The following STAU1 variants were observed in gnomAD, a reference collection of about 807,000 sequenced individuals.
STAU1 encodes staufen double-stranded RNA binding protein 1, also known as double-stranded RNA-binding protein Staufen homolog 1.
A neutral mutation model predicts 62.9 loss-of-function variants in STAU1; 13 were observed. The observed-to-expected ratio is 0.21, with a 90% CI of 0.13 to 0.33. The LOEUF (loss-of-function observed/expected upper bound fraction) is 0.33. Ranked by LOEUF, STAU1 falls within the 10% of genes least tolerant of loss-of-function variation. The pLI is 1.00. For synonymous variants in STAU1, 269 were observed against 265.1 expected (o/e 1.01, Z -0.14); for missense variants, 571 against 712.1 (o/e 0.80, Z 2.25).
chr20:49,208,658 C>T, the STAU1 span, among the ~76,000 whole-genome samples: 5 of 149,014 alleles, frequency 3.4e-5, no homozygotes, highest in Middle Eastern at 3.5e-3. Context: ...CTCGCTCTGT[C>T]GCCCAGATTG....
At chr20:49,209,438 TAAA>T in the STAU1 span, among the ~76,000 whole-genome samples, 9 of 119,090 alleles carry the variant, frequency 7.6e-5, no homozygotes, top group Admixed American at 9.1e-5. Flanking sequence ...TCTGTACAGT[TAAA>T]AAAAAAAAAA....
chr20:49,169,523 A>T (rs2093570697), intron 2 of STAU1, among the ~76,000 whole-genome samples: 1 of 152,226 alleles, frequency 6.6e-6, no homozygotes, highest in South Asian at 2.1e-4. Flanking sequence ...CTTTTCCTTT[A>T]AACCTGTCTT....
At chr20:49,182,985 G>A (rs1278671837) in intron 1 of STAU1, among the ~76,000 whole-genome samples, 1 of 152,102 alleles carries the variant, frequency 6.6e-6, no homozygotes, top group South Asian at 2.1e-4. Context: ...AAATGGTGGG[G>A]GTAAATAACC....
chr20:49,148,518 A>G (rs1422941427), intron 5 of STAU1, among the ~76,000 whole-genome samples: 4 of 152,204 alleles, frequency 2.6e-5, no homozygotes, highest in Admixed American at 6.5e-5. Flanking sequence ...AGTACTTCAA[A>G]TAAGTCTTTT....
intron 1 of STAU1, among the ~76,000 whole-genome samples, chr20:49,184,847 T>C: frequency 6.6e-6 from 1 of 152,282 alleles, no homozygotes; most frequent in Non-Finnish European, 1.5e-5. Flanking sequence ...ACATTTCCAC[T>C]GTACCTGATC....
chr20:49,126,661 T>G (rs2092633922), intron 6 of STAU1, among the ~76,000 whole-genome samples: 1 of 143,264 alleles, frequency 7.0e-6, no homozygotes, highest in Non-Finnish European at 1.5e-5. Context: ...ATAGAAGACT[T>G]ACACTACCAG....
intron 9 of STAU1, 99 bp downstream of exon 9, chr20:49,119,883 C>A: frequency 7.1e-7 from 1 of 1,409,332 alleles, no homozygotes; most frequent in Admixed American, 2.4e-5. Context: ...AACTGTCAGG[C>A]AGATAAAGCC....
the STAU1 span, among the ~76,000 whole-genome samples, chr20:49,193,770 C>T: frequency 1.3e-5 from 2 of 151,780 alleles, no homozygotes; most frequent in Non-Finnish European, 2.9e-5. Flanking sequence ...AGATCAAGAC[C>T]ATCCTGGCGA....
chr20:49,121,077 C>T (rs901333687), intron 8 of STAU1, among the ~76,000 whole-genome samples: 2 of 151,960 alleles, frequency 1.3e-5, no homozygotes, highest in African/African-American at 4.8e-5. Context: ...CAAGCCCAGC[C>T]TGTTTTACTT....
intron 9 of STAU1, among the ~76,000 whole-genome samples, chr20:49,119,472 CAG>C (rs1319977553): frequency 1.3e-5 from 2 of 152,170 alleles, no homozygotes; most frequent in Non-Finnish European, 2.9e-5. Flanking sequence ...AATTTTTCAA[CAG>C]GGGATTATTT....
intron 6 of STAU1, among the ~76,000 whole-genome samples, chr20:49,126,452 T>C (rs1017208250): frequency 6.6e-6 from 1 of 150,486 alleles, no homozygotes; most frequent in Non-Finnish European, 1.5e-5. Context: ...TATGTAGTCC[T>C]AGCTATGTGG....
At chr20:49,135,143 A>C in intron 6 of STAU1, 1 of 768,048 alleles carries the variant, frequency 1.3e-6, no homozygotes, top group South Asian at 1.5e-5. Context: ...TACTTGAAAA[A>C]CTCTTGATCA....
At chr20:49,189,417 C>A (rs2093825563), upstream of STAU1, among the ~76,000 whole-genome samples, 1 of 150,822 alleles carries the variant, frequency 6.6e-6, no homozygotes, top group Non-Finnish European at 1.5e-5. Flanking sequence ...GGCGGATCAC[C>A]TGAGGTCAGG....
At chr20:49,143,847 TA>T (rs2093063366) in intron 5 of STAU1, among the ~76,000 whole-genome samples, 1 of 152,154 alleles carries the variant, frequency 6.6e-6, no homozygotes, top group African/African-American at 2.4e-5. Context: ...TTGGAAGGCA[TA>T]TATACCTGAA....
At chr20:49,118,444 C>T in intron 9 of STAU1, 36 bp from the exon 10 acceptor site, 1 of 1,504,716 alleles carries the variant, frequency 6.6e-7, no homozygotes, top group South Asian at 1.2e-5. Context: ...AGGCCATGAG[C>T]ATAAATCAGA....
At chr20:49,190,502 C>T (rs577127153), upstream of STAU1, among the ~76,000 whole-genome samples, 1 of 152,218 alleles carries the variant, frequency 6.6e-6, no homozygotes, top group African/African-American at 2.4e-5. Context: ...CAGGGTCTTA[C>T]TAAGTTACTA....
At chr20:49,177,355 G>A (rs2093672687) in intron 1 of STAU1, among the ~76,000 whole-genome samples, 1 of 152,028 alleles carries the variant, frequency 6.6e-6, no homozygotes, top group Non-Finnish European at 1.5e-5. Flanking sequence ...GGGCAACATG[G>A]CAAGACCCTG....
At chr20:49,177,297 A>T (rs1254935791) in intron 1 of STAU1, among the ~76,000 whole-genome samples, 3 of 149,794 alleles carry the variant, frequency 2.0e-5, no homozygotes, top group Non-Finnish European at 3.0e-5. Flanking sequence ...GCACTTTGGG[A>T]GGCCGAGGCA....
chr20:49,174,933 C>CAAA (rs551431293), intron 1 of STAU1, among the ~76,000 whole-genome samples: 2 of 59,466 alleles, frequency 3.4e-5, no homozygotes, highest in African/African-American at 6.7e-5. Flanking sequence ...GACTCCGTCA[C>CAAA]AAAAAAAAAA....
Sources: gnomAD v4.1 joint callset for allele counts (sites outside exome capture counted in the v4.1 genomes callset) on GRCh38, gnomAD v4.1.1 for gene constraint, MANE v1.5 for transcripts, NCBI Gene and HGNC (gene_info 2026-07-23, HGNC 2026-07-21) for gene names.